MAGI1: variants seen among roughly 807,000 people sequenced by gnomAD.
MAGI1 encodes the protein membrane-associated guanylate kinase, WW and PDZ domain-containing protein 1.
In MAGI1, 58 loss-of-function variants were observed where a neutral mutation model predicts 139.9. The ratio of observed to expected loss-of-function variants is 0.41; its 90% CI spans 0.34 to 0.52. MAGI1 has a LOEUF of 0.52. MAGI1 is among the 20% of genes least tolerant of loss of function. The probability of loss-of-function intolerance (pLI) is 0.12; values close to 1 mark genes in which losing one functional copy is unlikely to be tolerated. For synonymous variants in MAGI1, 812 were observed against 737.9 expected (o/e 1.10, Z -1.63); for missense variants, 1,874 against 1,901.6 (o/e 0.99, Z 0.27).
chr3:65,625,930 GC>G (rs1479645265), intron 1 of MAGI1, among the ~76,000 whole-genome samples: 1 of 152,144 alleles, frequency 6.6e-6, no homozygotes, highest in Non-Finnish European at 1.5e-5. Context: ...CAGGCATTGT[GC>G]TGGGGCTGAA....
At chr3:65,357,185 C>T in intron 22 of MAGI1, 53 bp from the exon 23 acceptor site, 2 of 1,541,900 alleles carry the variant, frequency 1.3e-6, no homozygotes, top group South Asian at 1.2e-5. Context: ...CCCTCGGCTC[C>T]TGTCCCCGTT....
chr3:65,529,239 G>C (rs1451326370), intron 2 of MAGI1, among the ~76,000 whole-genome samples: 1 of 151,920 alleles, frequency 6.6e-6, no homozygotes, highest in Non-Finnish European at 1.5e-5. Flanking sequence ...GTCATCATTT[G>C]AGCAATTTTA....
At chr3:65,867,563 T>C (rs114525566) in intron 1 of MAGI1, among the ~76,000 whole-genome samples, 123 of 152,198 alleles carry the variant, frequency 8.1e-4, no homozygotes, top group Non-Finnish European at 1.3e-3. Flanking sequence ...ATGGAGACCC[T>C]GATTCTACCA....
At chr3:65,903,834 C>G (rs565354974) in intron 1 of MAGI1, among the ~76,000 whole-genome samples, 1 of 151,992 alleles carries the variant, frequency 6.6e-6, no homozygotes, top group Admixed American at 6.6e-5. Flanking sequence ...GTGGTGAAAC[C>G]CTGTCTCTAC....
chr3:66,000,066 G>A (rs2066663008), intron 1 of MAGI1, among the ~76,000 whole-genome samples: 2 of 140,474 alleles, frequency 1.4e-5, no homozygotes, highest in South Asian at 2.4e-4. Context: ...TCCACCTCCC[G>A]GGTCCACGCC....
At chr3:65,553,302 TTCTC>T (rs1413728489) in intron 2 of MAGI1, among the ~76,000 whole-genome samples, 1 of 152,188 alleles carries the variant, frequency 6.6e-6, no homozygotes, top group Non-Finnish European at 1.5e-5. Context: ...AGAACTTATA[TTCTC>T]TGTGGTAGGT....
chr3:65,968,139 T>C (rs745787816), intron 1 of MAGI1, among the ~76,000 whole-genome samples: 1 of 152,216 alleles, frequency 6.6e-6, no homozygotes, highest in Non-Finnish European at 1.5e-5. Flanking sequence ...AATTAAATTT[T>C]AGGCATGTTC....
chr3:65,526,888 C>T (rs1244657909), intron 2 of MAGI1, among the ~76,000 whole-genome samples: 1 of 152,176 alleles, frequency 6.6e-6, no homozygotes, highest in Admixed American at 6.5e-5. Flanking sequence ...CAATCATTAA[C>T]AGTAACTCCT....
intron 1 of MAGI1, among the ~76,000 whole-genome samples, chr3:65,947,884 T>G (rs1385045679): frequency 6.6e-6 from 1 of 151,818 alleles, no homozygotes; most frequent in Non-Finnish European, 1.5e-5. Context: ...CCCAAAGTGC[T>G]GGGATTACAG....
At chr3:65,986,284 T>C (rs1014858772) in intron 1 of MAGI1, among the ~76,000 whole-genome samples, 5 of 152,200 alleles carry the variant, frequency 3.3e-5, no homozygotes, top group Admixed American at 2.0e-4. Context: ...AAAAAAAAGA[T>C]TGTCTTATCT....
intron 3 of MAGI1, among the ~76,000 whole-genome samples, chr3:65,489,133 A>T (rs555961103): frequency 1.6e-3 from 241 of 152,340 alleles, no homozygotes; most frequent in Non-Finnish European, 3.0e-3. Flanking sequence ...CTCTTCTGTA[A>T]AATGGACATA....
At chr3:65,846,976 C>CAAAAAAAAAATAA (rs2059022187) in intron 1 of MAGI1, among the ~76,000 whole-genome samples, 1 of 80,988 alleles carries the variant, frequency 1.2e-5, no homozygotes, top group African/African-American at 4.9e-5. Flanking sequence ...CAATGTCTTA[C>CAAAAAAAAAATAA]AAAAAAAAAA....
chr3:65,496,917 G>T (rs1952498107), intron 2 of MAGI1, among the ~76,000 whole-genome samples: 1 of 152,176 alleles, frequency 6.6e-6, no homozygotes, highest in Non-Finnish European at 1.5e-5. Flanking sequence ...GATGTTGTAT[G>T]TAAGAAAGAC....
chr3:65,570,010 T>C (rs2108063252), intron 2 of MAGI1, among the ~76,000 whole-genome samples: 1 of 150,834 alleles, frequency 6.6e-6, no homozygotes, highest in Admixed American at 6.6e-5. Context: ...AGAGGTAGTA[T>C]ACTCTCTCAA....
chr3:65,999,538 T>C (rs1008608287), intron 1 of MAGI1, among the ~76,000 whole-genome samples: 1 of 152,158 alleles, frequency 6.6e-6, no homozygotes, highest in Non-Finnish European at 1.5e-5. Flanking sequence ...GGCAAATATA[T>C]GGTGAAATAT....
intron 1 of MAGI1, among the ~76,000 whole-genome samples, chr3:65,728,706 C>T (rs1033909958): frequency 6.6e-6 from 1 of 151,970 alleles, no homozygotes; most frequent in Non-Finnish European, 1.5e-5. Context: ...AGAAATGATG[C>T]AAAGAAAAAA....
At chr3:65,998,994 A>T (rs1320190739) in intron 1 of MAGI1, among the ~76,000 whole-genome samples, 2 of 152,226 alleles carry the variant, frequency 1.3e-5, no homozygotes, top group African/African-American at 4.8e-5. Context: ...AAATCGCATT[A>T]CATTCTAGAA....
At chr3:65,990,292 C>T (rs1318118395) in intron 1 of MAGI1, among the ~76,000 whole-genome samples, 1 of 152,122 alleles carries the variant, frequency 6.6e-6, no homozygotes, top group Non-Finnish European at 1.5e-5. Context: ...CATTCCACCA[C>T]TGGCAAAAAT....
At chr3:65,497,511 A>C (rs1952541955) in intron 2 of MAGI1, among the ~76,000 whole-genome samples, 1 of 152,136 alleles carries the variant, frequency 6.6e-6, no homozygotes, top group Non-Finnish European at 1.5e-5. Flanking sequence ...TCTGTCCTAA[A>C]TATGTTCTAT....
Sources: gnomAD v4.1 joint callset for allele counts (sites outside exome capture counted in the v4.1 genomes callset) on GRCh38, gnomAD v4.1.1 for gene constraint, MANE v1.5 for transcripts, NCBI Gene and HGNC (gene_info 2026-07-23, HGNC 2026-07-21) for gene names.